GALNT1: variants seen among roughly 807,000 people sequenced by gnomAD.
The protein encoded by GALNT1 is polypeptide N-acetylgalactosaminyltransferase 1, also known as GalNAc transferase 1.
GALNT1 carries 17 observed loss-of-function variants against 65.7 expected under a neutral mutation model. That is an observed-to-expected ratio of 0.26 (90% CI 0.18 to 0.39). The LOEUF (loss-of-function observed/expected upper bound fraction) is 0.39, where lower values mean the gene tolerates loss of function less well. Among genes scored for constraint, GALNT1 ranks in the 10% least tolerant of loss-of-function variants. GALNT1 has a pLI of 1.00. For missense variants in GALNT1, 460 were observed against 672.8 expected (o/e 0.68, Z 3.50); for synonymous variants, 210 against 219.7 (o/e 0.96, Z 0.39).
At chr18:35,619,126 A>G (rs2046820803) in intron 1 of GALNT1, among the ~76,000 whole-genome samples, 1 of 152,194 alleles carries the variant, frequency 6.6e-6, no homozygotes, top group African/African-American at 2.4e-5. Flanking sequence ...CCTGCGATAA[A>G]TCTGTAAGGT....
At chr18:35,628,855 T>C (rs1182947708) in intron 1 of GALNT1, among the ~76,000 whole-genome samples, 2 of 152,160 alleles carry the variant, frequency 1.3e-5, no homozygotes, top group East Asian at 3.9e-4. Context: ...GAATAACCAA[T>C]GCAGAGAAGT....
intron 8 of GALNT1, among the ~76,000 whole-genome samples, chr18:35,691,400 A>G (rs1169764505): frequency 6.6e-6 from 1 of 152,242 alleles, no homozygotes; most frequent in Non-Finnish European, 1.5e-5. Flanking sequence ...GTAATAAATT[A>G]TCCAGGTCAG....
chr18:35,604,707 A>AT (rs1476934993), intron 1 of GALNT1, among the ~76,000 whole-genome samples: 1 of 152,184 alleles, frequency 6.6e-6, no homozygotes, highest in Non-Finnish European at 1.5e-5. Context: ...GGCCGTGTGT[A>AT]TGTCTTCTTT....
intron 8 of GALNT1, among the ~76,000 whole-genome samples, chr18:35,691,642 C>T (rs974405264): frequency 6.6e-6 from 1 of 152,146 alleles, no homozygotes; most frequent in Non-Finnish European, 1.5e-5. Context: ...AGGAGGCTTT[C>T]GTCAAGTATC....
chr18:35,630,290 C>G (rs1229511187), intron 1 of GALNT1, among the ~76,000 whole-genome samples: 1 of 152,166 alleles, frequency 6.6e-6, no homozygotes, highest in Non-Finnish European at 1.5e-5. Context: ...CAAAATTGAT[C>G]ACATAGTTGG....
At chr18:35,623,842 G>A (rs1053985876) in intron 1 of GALNT1, among the ~76,000 whole-genome samples, 8 of 152,092 alleles carry the variant, frequency 5.3e-5, no homozygotes, top group Admixed American at 2.6e-4. Context: ...TAGTAGGTAC[G>A]TTATAGTCCT....
At chr18:35,700,285 C>T (rs145165882) in intron 9 of GALNT1, among the ~76,000 whole-genome samples, 1 of 152,336 alleles carries the variant, frequency 6.6e-6, no homozygotes, top group East Asian at 1.9e-4. Flanking sequence ...AAACAGAATC[C>T]TCTGTCCTCT....
chr18:35,592,577 A>G (rs1054910119), intron 1 of GALNT1, among the ~76,000 whole-genome samples: 1 of 152,168 alleles, frequency 6.6e-6, no homozygotes, highest in African/African-American at 2.4e-5. Context: ...GCAAGACCTC[A>G]TTCTCAGTGC....
chr18:35,707,091 T>A (rs1234249289), intron 11 of GALNT1, among the ~76,000 whole-genome samples: 1 of 152,142 alleles, frequency 6.6e-6, no homozygotes, highest in African/African-American at 2.4e-5. Context: ...CCACGCTATT[T>A]TTGATTAATA....
At chr18:35,585,905 A>G (rs546087628) in intron 1 of GALNT1, among the ~76,000 whole-genome samples, 7 of 152,274 alleles carry the variant, frequency 4.6e-5, no homozygotes, top group South Asian at 4.1e-4. Context: ...GTTTTTGGCT[A>G]TTGTGAATAA....
At chr18:35,687,532 A>AAGAT (rs1252584771) in intron 6 of GALNT1, among the ~76,000 whole-genome samples, 1 of 152,166 alleles carries the variant, frequency 6.6e-6, no homozygotes, top group African/African-American at 2.4e-5. Context: ...TCAGTATGTG[A>AAGAT]AGATACTACC....
At chr18:35,618,817 C>T (rs1380045752) in intron 1 of GALNT1, among the ~76,000 whole-genome samples, 1 of 152,082 alleles carries the variant, frequency 6.6e-6, no homozygotes, top group Non-Finnish European at 1.5e-5. Flanking sequence ...GAAGAAAAGG[C>T]GCTTGAGGTC....
intron 9 of GALNT1, among the ~76,000 whole-genome samples, chr18:35,701,531 A>C (rs1215123851): frequency 6.6e-6 from 1 of 152,226 alleles, no homozygotes; most frequent in Non-Finnish European, 1.5e-5. Flanking sequence ...TAGGTTTCAC[A>C]ATTAATGGAT....
chr18:35,615,595 G>A (rs2046773712), intron 1 of GALNT1, among the ~76,000 whole-genome samples: 2 of 152,152 alleles, frequency 1.3e-5, no homozygotes, highest in South Asian at 4.1e-4. Flanking sequence ...TTGTGTGCAT[G>A]GAAAGGAGAG....
intron 1 of GALNT1, among the ~76,000 whole-genome samples, chr18:35,642,554 G>A (rs1343625845): frequency 6.6e-6 from 1 of 152,188 alleles, no homozygotes; most frequent in Non-Finnish European, 1.5e-5. Context: ...AGGTGGTGGA[G>A]ATGTGTGTTG....
In GALNT1 at chr18:35,703,656, G is replaced by A. The variant is rs2048205582; in HGVS notation, c.1533+13G>A. On this transcript the variant is annotated intron_variant, in intron 11 of 11. Coordinates refer to ENST00000269195, the MANE Select transcript of GALNT1 (RefSeq NM_020474.4). Reference sequence around the variant, plus strand: ...GTATGACCCAGTGGTAAGTTATGCAGTTGCCTATAGTAATAAAATTATGTG... The same window carrying A: ...GTATGACCCAGTGGTAAGTTATGCAATTGCCTATAGTAATAAAATTATGTG... 2 of 1,611,014 alleles carry A rather than the reference G, an allele frequency of 1.2e-6. No individual in the cohort carries two copies. The highest frequency in any genetic ancestry group is 1.3e-5 in the African/African-American group (1 of 74,832).
intron 5 of GALNT1, 105 bp from the exon 6 acceptor site, chr18:35,686,911 A>T: frequency 8.7e-7 from 1 of 1,150,866 alleles, no homozygotes. Flanking sequence ...ACCCTGTTTC[A>T]AGGGAAAAAA....
chr18:35,700,203 C>T lies in GALNT1; in HGVS notation c.1300-2694C>T, dbSNP rs575695791. The stretch of plus-strand genomic sequence containing the variant: ...GAAAACTCTATATTCTCTAGCCAGG[C>T]GGTATATAGAGGGACCCACCTGGAG... On this transcript the variant is annotated intron_variant, in intron 9 of 11. Transcript: ENST00000269195. 9.0e-4 allele frequency among the ~76,000 whole-genome samples: 137 copies of T among 152,264 alleles called. 1 individual carries two copies. Among genetic ancestry groups the T allele is most frequent in the African/African-American group, 2.8e-3 (117 of 41,542 alleles).
At chr18:35,707,885 G>A (rs7228405) in intron 11 of GALNT1, among the ~76,000 whole-genome samples, 14,082 of 152,230 alleles carry the variant, frequency 0.093, 732 homozygotes, top group Admixed American at 0.17. Flanking sequence ...GAGCCGCAGC[G>A]CTCTGGCTGC....
Sources: gnomAD v4.1 joint callset for allele counts (sites outside exome capture counted in the v4.1 genomes callset) on GRCh38, gnomAD v4.1.1 for gene constraint, MANE v1.5 for transcripts, NCBI Gene and HGNC (gene_info 2026-07-23, HGNC 2026-07-21) for gene names.